ZFYVE9: variants seen among roughly 807,000 people sequenced by gnomAD.
ZFYVE9 encodes zinc finger FYVE domain-containing protein 9.
A neutral mutation model predicts 126.7 loss-of-function variants in ZFYVE9; 43 were observed. The ratio of observed to expected loss-of-function variants is 0.34; its 90% CI spans 0.27 to 0.44. The LOEUF (loss-of-function observed/expected upper bound fraction) is 0.44, where lower values mean the gene tolerates loss of function less well. ZFYVE9 is among the 20% of genes least tolerant of loss of function. ZFYVE9 has a pLI of 1.00. For missense variants in ZFYVE9, 1,476 were observed against 1,697.0 expected, an observed-to-expected ratio of 0.87 and a Z score of 2.29; for synonymous variants, 521 against 597.4, an observed-to-expected ratio of 0.87 and a Z score of 1.87.
intron 1 of ZFYVE9, among the ~76,000 whole-genome samples, chr1:52,159,370 C>G (rs1260483638): frequency 3.3e-5 from 5 of 152,176 alleles, no homozygotes; most frequent in Admixed American, 1.3e-4. Context: ...CAGGAAGCAG[C>G]TGCTGAGACA....
chr1:52,335,068 G>T (rs543069893), intron 15 of ZFYVE9: 18 of 212,504 alleles, frequency 8.5e-5, no homozygotes, highest in African/African-American at 4.2e-4. Flanking sequence ...ATATCTAAAT[G>T]TGTAGATGAA....
At chr1:52,208,078 T>C (rs1644994083) in intron 1 of ZFYVE9, among the ~76,000 whole-genome samples, 2 of 152,210 alleles carry the variant, frequency 1.3e-5, no homozygotes, top group Non-Finnish European at 2.9e-5. Context: ...CCCAGCACTT[T>C]GGGAGGCCAA....
intron 12 of ZFYVE9, among the ~76,000 whole-genome samples, chr1:52,299,473 T>C (rs1435223702): frequency 2.0e-5 from 3 of 152,226 alleles, no homozygotes; most frequent in African/African-American, 7.2e-5. Context: ...ATCCATGTCT[T>C]GTTCCTGTTC....
chr1:52,284,451 G>A (rs954899016), intron 10 of ZFYVE9, among the ~76,000 whole-genome samples: 3 of 150,062 alleles, frequency 2.0e-5, no homozygotes, highest in East Asian at 1.9e-4. Flanking sequence ...ATGGAGTCTC[G>A]CTCTGTCACC....
rs1557441449 is a variant in ZFYVE9, at chr1:52,180,596, T to G, written c.-142-35773T>G. 8 of 579,034 alleles carry G rather than the reference T, an allele frequency of 1.4e-5. No individual in the cohort carries two copies. In the East Asian group the frequency reaches 2.3e-4, roughly 17 times the overall value. 35.9% of individuals were successfully genotyped at this position (579,034 alleles called of 1,614,324 possible). A position where few individuals can be genotyped will look rare whatever the true frequency, so the allele number is the denominator to read the frequency against. ...ACTTTCTTGTGACAAATTGTCTGGA[T>G]TTTTTAAAAAAGGATAAAGTAAGAA... On this transcript the variant is annotated intron_variant, in intron 1 of 18. Transcript: ENST00000287727.
At chr1:52,334,569 T>A in intron 14 of ZFYVE9, 119 bp from the exon 15 acceptor site, 1 of 1,005,226 alleles carries the variant, frequency 9.9e-7, no homozygotes, top group Non-Finnish European at 1.5e-6. Context: ...TAGATTTGAT[T>A]TTTTAAAATT....
At position 52,189,147 on chromosome 1, in the gene ZFYVE9, G is replaced by A. The variant is rs892440996; in HGVS notation, c.-142-27222G>A. On this transcript the variant is annotated intron_variant, in intron 1 of 18. Coordinates refer to ENST00000287727, the MANE Select transcript of ZFYVE9 (RefSeq NM_004799.4). The stretch of plus-strand genomic sequence containing the variant: ...AGATGGGGTTTCACCATATTGGCCC[G>A]GGTGGTCTTGAACTCCTGACCTTAA... 1.1e-4 allele frequency among the ~76,000 whole-genome samples: 17 copies of A among 151,798 alleles called. No individual in the cohort carries two copies. The South Asian group carries it at 2.7e-3, about 24-fold the overall frequency.
intron 4 of ZFYVE9, among the ~76,000 whole-genome samples, chr1:52,248,882 C>T (rs1258062702): frequency 1.3e-5 from 2 of 152,188 alleles, no homozygotes; most frequent in East Asian, 3.9e-4. Context: ...CCATTCCCGT[C>T]AACAATTCAC....
At chr1:52,221,072 A>G (rs573901681) in intron 2 of ZFYVE9, among the ~76,000 whole-genome samples, 1 of 152,290 alleles carries the variant, frequency 6.6e-6, no homozygotes, top group South Asian at 2.1e-4. Flanking sequence ...AAAGGTATGG[A>G]CTACTCTGAA....
At chr1:52,199,580 C>T (rs900376665) in intron 1 of ZFYVE9, among the ~76,000 whole-genome samples, 5 of 152,208 alleles carry the variant, frequency 3.3e-5, no homozygotes, top group African/African-American at 4.8e-5. Flanking sequence ...TACCATTCAC[C>T]TACTGAAGGA....
Position 52,171,150 on chromosome 1 carries a change from G to A in ZFYVE9, c.-143+28747G>A, listed in dbSNP as rs1186207467. Among the ~76,000 whole-genome samples, 6 of 143,628 alleles carry A rather than the reference G, an allele frequency of 4.2e-5. No homozygotes were observed. The East Asian group carries it at 1.1e-3, about 27-fold the overall frequency. The allele number at this position is 143,628 out of a possible 152,430, so 94.2% of individuals were successfully genotyped here. On this transcript the variant is annotated intron_variant, in intron 1 of 18. Transcript: ENST00000287727. ...ATATCTCCTAATGCTGTCCCTCCCC[G>A]CTCCCCCCACCCCACAACAGTCCCC...
chr1:52,220,576 G>A (rs1432036889), intron 2 of ZFYVE9, among the ~76,000 whole-genome samples: 4 of 152,148 alleles, frequency 2.6e-5, no homozygotes, highest in African/African-American at 9.7e-5. Context: ...TTCTGCACAT[G>A]ATGCAACCAT....
intron 13 of ZFYVE9, among the ~76,000 whole-genome samples, chr1:52,311,388 C>G (rs544168775): frequency 6.6e-6 from 1 of 151,704 alleles, no homozygotes; most frequent in South Asian, 2.1e-4. Flanking sequence ...CTTCAGCCTC[C>G]TGAGTAGCTG....
Position 52,209,804 on chromosome 1 carries a change from AAACAG to A in ZFYVE9, c.-142-6555_-142-6551del, listed in dbSNP as rs1645011163. On this transcript the variant is annotated intron_variant, in intron 1 of 18. Coordinates refer to ENST00000287727, the MANE Select transcript of ZFYVE9 (RefSeq NM_004799.4). The stretch of plus-strand genomic sequence containing the variant: ...TAGAGAAGTAAGCAGAAACCAAATC[AAACAG>A]AACAGAACATTGTCAGCTATGTTAT... 5.3e-5 allele frequency among the ~76,000 whole-genome samples: 8 copies of A among 152,338 alleles called. No homozygotes were observed. The South Asian group carries it at 8.3e-4, about 16-fold the overall frequency.
rs745335214 is a variant in ZFYVE9 at position 52,303,936 on chromosome 1, C to A, written c.3438+11C>A. On this transcript the variant is annotated intron_variant, in intron 13 of 18. Coordinates refer to ENST00000287727, the MANE Select transcript of ZFYVE9 (RefSeq NM_004799.4). ...AACAGATACAATGAGGTAAGATTTA[C>A]CATGAAGGCGTATTTTTCATAGTTG... The A allele has an allele frequency of 1.2e-4, 180 of 1,561,318 alleles. No individual in the cohort carries two copies. Among genetic ancestry groups the A allele is most frequent in the Middle Eastern group, 8.4e-4 (5 of 5,942 alleles).
At chr1:52,218,738 A>G (rs1226000095) in intron 2 of ZFYVE9, among the ~76,000 whole-genome samples, 1 of 152,186 alleles carries the variant, frequency 6.6e-6, no homozygotes, top group African/African-American at 2.4e-5. Flanking sequence ...AACTTCTACT[A>G]TAGCTACTTT....
At chr1:52,234,591 C>T (rs535422665) in intron 3 of ZFYVE9, among the ~76,000 whole-genome samples, 2 of 152,314 alleles carry the variant, frequency 1.3e-5, no homozygotes, top group African/African-American at 2.4e-5. Context: ...ATATTTAATG[C>T]TCTCCAGCCT....
At chr1:52,279,341 C>G (rs1291493570) in intron 9 of ZFYVE9, among the ~76,000 whole-genome samples, 2 of 152,140 alleles carry the variant, frequency 1.3e-5, no homozygotes, top group Non-Finnish European at 2.9e-5. Flanking sequence ...TGGTGCAAAA[C>G]TTTATTTAGG....
Position 52,346,472 on chromosome 1 carries a change from AT to A in ZFYVE9, c.*252del. 1 of 430,846 alleles carries A rather than the reference AT, an allele frequency of 2.3e-6. No homozygotes were observed. The highest frequency in any genetic ancestry group is 4.1e-6 in the Non-Finnish European group (1 of 244,340). The allele number at this position is 430,846 out of a possible 1,614,324, so 26.7% of individuals were successfully genotyped here. On this transcript the variant is annotated 3_prime_UTR_variant, in exon 19 of 19. Coordinates refer to ENST00000287727, the MANE Select transcript of ZFYVE9 (RefSeq NM_004799.4). Reference sequence around the variant, plus strand: ...CAGCTTCTGTTCCTGCACAACAGTTATGCTATCCTTGCAGCTAATCCCCTTC... The same window carrying A: ...CAGCTTCTGTTCCTGCACAACAGTTAGCTATCCTTGCAGCTAATCCCCTTC...
Sources: allele counts gnomAD v4.1 joint callset (sites outside exome capture counted in the v4.1 genomes callset), GRCh38; gene constraint gnomAD v4.1.1; transcripts MANE v1.5; gene names NCBI Gene and HGNC (gene_info 2026-07-23, HGNC 2026-07-21).